LRRK1: variants seen among roughly 807,000 people sequenced by gnomAD.
LRRK1 encodes leucine-rich repeat serine/threonine-protein kinase 1.
Under a neutral mutation model 209.1 loss-of-function variants are expected in LRRK1, and 113 were observed. The observed-to-expected ratio is 0.54, with a 90% CI of 0.46 to 0.63. The LOEUF (loss-of-function observed/expected upper bound fraction) is 0.63. Ranked by LOEUF, LRRK1 falls within the 30% of genes least tolerant of loss-of-function variation. LRRK1 has a pLI of 0.00. For missense variants in LRRK1, 2,284 were observed against 2,632.2 expected (o/e 0.87, Z 2.89); for synonymous variants, 1,144 against 1,099.7 (o/e 1.04, Z -0.80).
At position 101,069,019 on chromosome 15, in the gene LRRK1, G is replaced by GAGAACCAGAGAACCCTGGA; in HGVS notation, c.*171_*172insAGAACCAGAGAACCCTGGA. The GAGAACCAGAGAACCCTGGA allele has an allele frequency of 1.7e-6, 1 of 582,868 alleles. No homozygotes were observed. The highest frequency in any genetic ancestry group is 2.8e-6 in the Non-Finnish European group (1 of 356,352). The allele number at this position is 582,868 out of a possible 1,614,324, so 36.1% of individuals were successfully genotyped here. Reference sequence around the variant, plus strand: ...AGTTACTCGCCTGGCGGTGGCTCCAGGGTTCTCTGGTTCTCTGGAGCAGAG... The same window carrying GAGAACCAGAGAACCCTGGA: ...AGTTACTCGCCTGGCGGTGGCTCCAGAGAACCAGAGAACCCTGGAGGTTCTCTGGTTCTCTGGAGCAGAG... On this transcript the variant is annotated 3_prime_UTR_variant, in exon 34 of 34. Coordinates refer to ENST00000388948, the MANE Select transcript of LRRK1 (RefSeq NM_024652.6).
At chr15:100,928,777 A>G (rs544413902) in intron 2 of LRRK1, among the ~76,000 whole-genome samples, 1 of 152,108 alleles carries the variant, frequency 6.6e-6, no homozygotes, top group Non-Finnish European at 1.5e-5. Flanking sequence ...TTTGTTTACA[A>G]TGGTTAATCC....
chr15:100,979,732 GA>G (rs2141659964), intron 3 of LRRK1, among the ~76,000 whole-genome samples: 1 of 152,224 alleles, frequency 6.6e-6, no homozygotes, highest in South Asian at 2.1e-4. Context: ...AACTCAACAT[GA>G]AAAAGCAAAC....
Position 101,077,493 on chromosome 15 carries a change from T to C in LRRK1, c.*8645T>C, listed in dbSNP as rs2037024650. 1 of 152,190 alleles carries C rather than the reference T, an allele frequency of 6.6e-6. No homozygotes were observed. Among genetic ancestry groups the C allele is most frequent in the Non-Finnish European group, 1.5e-5 (1 of 68,048 alleles). 9.4% of individuals were successfully genotyped at this position (152,190 alleles called of 1,614,324 possible). On this transcript the variant is annotated 3_prime_UTR_variant, in exon 34 of 34. Transcript: ENST00000388948. ...CCTCCTTTGGCACTCTCTAATCAGA[T>C]GTCCTGAGTCATCTCAATTCTTAGA...
intron 3 of LRRK1, among the ~76,000 whole-genome samples, chr15:100,981,128 C>T (rs1395135654): frequency 6.6e-6 from 1 of 152,140 alleles, no homozygotes; most frequent in African/African-American, 2.4e-5. Flanking sequence ...CTTTTCTATG[C>T]TGTTTGAATT....
rs768468458 is a variant in LRRK1, at chr15:101,066,151, A to C, written c.5714A>C (p.Gln1905Pro). The change falls in exon 32 of 34, where the codon CAG (glutamine) becomes CCG (proline). Residue 1905 changes from glutamine (Q) to proline (P), a missense_variant. This residue lies in a region of LRRK1 where 643 missense variants were observed against 695.9 expected (regional missense o/e 0.92). Transcript: ENST00000388948. ...CCCATGGACGGGGAGACCTTCAGCC[A>C]GCACCTGCAGGCCGTGAAGATCCTC... The part of the protein sequence containing the change: ...LTPMDGETFS[Q>P]HLQAVKILAV... 3.1e-6 allele frequency: 5 copies of C among 1,613,710 alleles called. No homozygotes were observed. In the East Asian group the frequency reaches 1.1e-4, roughly 36 times the overall value.
At chr15:101,061,337 G>A in intron 30 of LRRK1, 49 bp downstream of exon 30, 1 of 1,336,542 alleles carries the variant, frequency 7.5e-7, no homozygotes, top group Non-Finnish European at 1.1e-6. Context: ...CTGCCCACTG[G>A]GTGCAGCCCT....
intron 20 of LRRK1, among the ~76,000 whole-genome samples, chr15:101,030,392 G>A (rs1227233737): frequency 6.6e-6 from 1 of 152,122 alleles, no homozygotes; most frequent in Non-Finnish European, 1.5e-5. Flanking sequence ...CAGCTTTGGG[G>A]TCCTCCTTGG....
chr15:100,977,121 G>T (rs1050162872), intron 3 of LRRK1, among the ~76,000 whole-genome samples: 1 of 149,996 alleles, frequency 6.7e-6, no homozygotes, highest in Non-Finnish European at 1.5e-5. Context: ...GGTTTTATTT[G>T]TATCTCATAC....
At chr15:101,049,002 G>A (rs772967764) in intron 22 of LRRK1, among the ~76,000 whole-genome samples, 40 of 152,104 alleles carry the variant, frequency 2.6e-4, no homozygotes, top group Non-Finnish European at 4.6e-4. Flanking sequence ...CATCCTGCCC[G>A]TCCCCTTGTT....
intron 6 of LRRK1, chr15:100,989,696 C>G (rs1194228779): frequency 1.9e-6 from 1 of 529,622 alleles, no homozygotes; most frequent in Admixed American, 3.5e-5. Context: ...GAGGGTGGGG[C>G]CTTCTTGGCC....
chr15:101,016,355 C>T (rs189669160), intron 12 of LRRK1, among the ~76,000 whole-genome samples: 15 of 151,786 alleles, frequency 9.9e-5, no homozygotes, highest in South Asian at 8.3e-4. Flanking sequence ...ACAGTGCTGG[C>T]GCCCTCCTCT....
chr15:101,070,153 G>GCACA lies in LRRK1; in HGVS notation c.*1305_*1306insCACA, dbSNP rs2036739546. The GCACA allele has an allele frequency of 6.6e-6, 1 of 152,070 alleles. No individual in the cohort carries two copies. Among genetic ancestry groups the GCACA allele is most frequent in the African/African-American group, 2.4e-5 (1 of 41,382 alleles). 9.4% of individuals were successfully genotyped at this position (152,070 alleles called of 1,614,324 possible). A position where few individuals can be genotyped will look rare whatever the true frequency, so the allele number is the denominator to read the frequency against. On this transcript the variant is annotated 3_prime_UTR_variant, in exon 34 of 34. Coordinates refer to ENST00000388948, the MANE Select transcript of LRRK1 (RefSeq NM_024652.6). ...TTTTGAGCGCTTATGACCACAGCAC[G>GCACA]GGCTCAGTCCCTCCCAGACCCACTC... is the stretch of plus-strand genomic sequence containing the variant.
rs2035057482 is a variant in LRRK1 at position 101,046,031 on chromosome 15, G to A, written c.3014G>A (p.Gly1005Asp). 1 of 1,614,182 alleles carries A rather than the reference G, an allele frequency of 6.2e-7. No individual in the cohort carries two copies. Residue 1005 changes from glycine (G) to aspartate (D), a missense_variant, in exon 21 of 34, where the codon GGT becomes GAT. Around this residue, in one of 6 missense-constraint regions of LRRK1, gnomAD observed 780 missense variants for 985.2 expected, o/e 0.79. Coordinates refer to ENST00000388948, the MANE Select transcript of LRRK1 (RefSeq NM_024652.6). ...LPSKPGLDTHGMRHPTANTIQ... is the reference protein window; with the variant it reads ...LPSKPGLDTHDMRHPTANTIQ... ...TCTAAACCTGGCCTGGACACCCACGGTATGCGGCACCCCACAGCCAACACC... is the reference window on the plus strand; with the variant it reads ...TCTAAACCTGGCCTGGACACCCACGATATGCGGCACCCCACAGCCAACACC...
chr15:101,012,246 A>G, intron 10 of LRRK1, 101 bp downstream of exon 10: 2 of 1,066,324 alleles, frequency 1.9e-6, no homozygotes, highest in East Asian at 2.5e-5. Context: ...TCTGAGATAA[A>G]TATAAGGGGA....
intron 2 of LRRK1, among the ~76,000 whole-genome samples, chr15:100,930,610 G>T (rs2042194851): frequency 1.3e-5 from 2 of 152,212 alleles, no homozygotes; most frequent in Non-Finnish European, 2.9e-5. Context: ...CTCTGTGCTT[G>T]CTAGGGAGCA....
chr15:101,071,239 C>G lies in LRRK1; in HGVS notation c.*2391C>G, dbSNP rs1200237513. ...ACCCTGAGGACCCTGTCAACATCAG[C>G]TGGACCACAGGCATCTCAGATAGAT... is the stretch of plus-strand genomic sequence containing the variant. On this transcript the variant is annotated 3_prime_UTR_variant, in exon 34 of 34. Transcript: ENST00000388948. 1 of 152,366 alleles carries G rather than the reference C, an allele frequency of 6.6e-6. No individual in the cohort carries two copies. The highest frequency in any genetic ancestry group is 1.5e-5 in the Non-Finnish European group (1 of 68,152). 9.4% of individuals were successfully genotyped at this position (152,366 alleles called of 1,614,324 possible).
At chr15:101,030,713 C>G (rs944744685) in intron 20 of LRRK1, among the ~76,000 whole-genome samples, 10 of 152,124 alleles carry the variant, frequency 6.6e-5, no homozygotes, top group Non-Finnish European at 1.5e-4. Flanking sequence ...GTTGACAGCC[C>G]CTTTCCTCCT....
At chr15:101,028,397 C>T (rs570476984) in intron 19 of LRRK1, among the ~76,000 whole-genome samples, 1 of 152,358 alleles carries the variant, frequency 6.6e-6, no homozygotes, top group South Asian at 2.1e-4. Context: ...AGGCACATCG[C>T]AGCCTTCTCA....
intron 33 of LRRK1, 70 bp from the exon 34 acceptor site, chr15:101,068,600 CA>C: frequency 6.8e-7 from 1 of 1,470,034 alleles, no homozygotes; most frequent in Non-Finnish European, 9.1e-7. Context: ...TCAGAAGGCA[CA>C]GGGGGAGGGT....
Sources: allele counts gnomAD v4.1 joint callset (sites outside exome capture counted in the v4.1 genomes callset), GRCh38; gene constraint gnomAD v4.1.1; regional missense constraint gnomAD v4.1.1; transcripts MANE v1.5; gene names NCBI Gene and HGNC (gene_info 2026-07-23, HGNC 2026-07-21).